DPP4: variants seen among roughly 807,000 people sequenced by gnomAD.
DPP4 encodes the protein ADCP-2.
DPP4 carries 93 observed loss-of-function variants against 122.4 expected under a neutral mutation model. The ratio of observed to expected loss-of-function variants is 0.76; its 90% confidence interval spans 0.64 to 0.90. The LOEUF (loss-of-function observed/expected upper bound fraction) is 0.90, where lower values mean the gene tolerates loss of function less well. DPP4 is among the 40% of genes least tolerant of loss of function. DPP4 has a pLI of 0.00. For synonymous variants in DPP4, 321 were observed against 302.9 expected, an observed-to-expected ratio of 1.06 and a Z score of -0.62; for missense variants, 914 against 907.3, an observed-to-expected ratio of 1.01 and a Z score of -0.09.
At position 161,992,307 on chromosome 2, in the gene DPP4, G is replaced by A. The variant is rs1700884648; in HGVS notation, c.*976C>T. ...GAGAAATTCCATAGTATGTAGAATG[G>A]GAATAATAATACATAACATTGTATT... On this transcript the variant is annotated 3_prime_UTR_variant, in exon 26 of 26. Transcript: ENST00000360534. 1 of 152,056 alleles carries A rather than the reference G, an allele frequency of 6.6e-6. No individual in the cohort carries two copies. Among genetic ancestry groups the A allele is most frequent in the Non-Finnish European group, 1.5e-5 (1 of 67,998 alleles). 9.4% of individuals were successfully genotyped at this position (152,056 alleles called of 1,614,324 possible).
At chr2:162,017,019 CA>C in intron 17 of DPP4, 88 bp downstream of exon 17, 1 of 1,484,404 alleles carries the variant, frequency 6.7e-7, no homozygotes, top group Non-Finnish European at 9.2e-7. Flanking sequence ...GACACAAAGC[CA>C]AAGAAAATCA....
At position 162,065,136 on chromosome 2, in the gene DPP4, G is replaced by A. The variant is rs112436391; in HGVS notation, c.94+8263C>T. Among the ~76,000 whole-genome samples, 644 of 152,276 alleles carry A rather than the reference G, an allele frequency of 4.2e-3. 1 individual carries two copies. Among genetic ancestry groups the A allele is most frequent in the Admixed American group, 7.8e-3 (119 of 15,292 alleles). On this transcript the variant is annotated intron_variant, in intron 2 of 25. Coordinates refer to ENST00000360534, the MANE Select transcript of DPP4 (RefSeq NM_001935.4). ...GTCTTGAGTAGTCTGGTTCAATCAC[G>A]GCAATTCATTCTCCTTGCCGGTGAT...
chr2:162,020,455 T>C, intron 13 of DPP4, 126 bp downstream of exon 13: 2 of 966,080 alleles, frequency 2.1e-6, no homozygotes, highest in Non-Finnish European at 3.1e-6. Flanking sequence ...AATACACCAC[T>C]GAGGAGTTTA....
intron 2 of DPP4, among the ~76,000 whole-genome samples, chr2:162,055,535 A>G (rs551762802): frequency 1.3e-5 from 2 of 152,154 alleles, no homozygotes; most frequent in East Asian, 3.9e-4. Context: ...CATCTCTACT[A>G]AAATACAAAA....
chr2:162,052,100 C>A (rs1684402174), intron 2 of DPP4, among the ~76,000 whole-genome samples: 1 of 151,896 alleles, frequency 6.6e-6, no homozygotes, highest in Admixed American at 6.6e-5. Flanking sequence ...GGGCAGATAA[C>A]CTGAGGTTGG....
chr2:162,055,768 G>C (rs1167788230), intron 2 of DPP4, among the ~76,000 whole-genome samples: 1 of 152,086 alleles, frequency 6.6e-6, no homozygotes, highest in Non-Finnish European at 1.5e-5. Flanking sequence ...ACTGCCAGGT[G>C]ACCAAACTTT....
chr2:162,005,280 A>G (rs1701255670), intron 23 of DPP4, among the ~76,000 whole-genome samples: 1 of 152,148 alleles, frequency 6.6e-6, no homozygotes, highest in East Asian at 1.9e-4. Context: ...AACTGTACCT[A>G]CCTCTCACCT....
At chr2:162,041,859 CT>C (rs1683998997) in intron 5 of DPP4, among the ~76,000 whole-genome samples, 1 of 152,168 alleles carries the variant, frequency 6.6e-6, no homozygotes, top group Non-Finnish European at 1.5e-5. Context: ...AGTCCCTCCC[CT>C]GGAGCAGCTT....
At chr2:162,028,794 G>A (rs1683440019) in intron 10 of DPP4, among the ~76,000 whole-genome samples, 1 of 152,232 alleles carries the variant, frequency 6.6e-6, no homozygotes, top group South Asian at 2.1e-4. Context: ...ACCACCCTAT[G>A]AGGTGAGTAC....
intron 2 of DPP4, chr2:162,073,116 G>A (rs1685174717): frequency 3.6e-6 from 1 of 279,254 alleles, no homozygotes. Flanking sequence ...ATTTAAAATT[G>A]AAATTTTAAA....
chr2:162,010,804 A>G (rs1015678938), intron 20 of DPP4, among the ~76,000 whole-genome samples: 3 of 152,094 alleles, frequency 2.0e-5, no homozygotes, highest in African/African-American at 7.2e-5. Context: ...AGGAATCCTT[A>G]ATCAATTGTC....
At position 162,050,755 on chromosome 2, in the gene DPP4, G is replaced by A. The variant is rs139690818; in HGVS notation, c.95-3254C>T. On this transcript the variant is annotated intron_variant, in intron 2 of 25. Transcript: ENST00000360534. ...AAACATCTAGATAAGCGAGTTCTGT[G>A]AGACAAGAGTGCCAACTCCAGGTTT... Among the ~76,000 whole-genome samples the A allele has an allele frequency of 1.5e-3, 222 of 152,354 alleles. 1 individual carries two copies. Among genetic ancestry groups the A allele is most frequent in the African/African-American group, 5.1e-3 (213 of 41,582 alleles).
chr2:162,016,289 A>G (rs898276298), intron 18 of DPP4, among the ~76,000 whole-genome samples: 1 of 152,164 alleles, frequency 6.6e-6, no homozygotes, highest in Non-Finnish European at 1.5e-5. Context: ...ATGATTACAC[A>G]ATCAAGCCGG....
At chr2:162,008,244 T>C (rs954886465) in intron 22 of DPP4, among the ~76,000 whole-genome samples, 1 of 152,174 alleles carries the variant, frequency 6.6e-6, no homozygotes, top group Admixed American at 6.6e-5. Context: ...ACTCTGCTAA[T>C]ATGTGAAACC....
intron 23 of DPP4, among the ~76,000 whole-genome samples, chr2:162,004,438 G>A (rs1213559130): frequency 6.6e-6 from 1 of 152,108 alleles, no homozygotes; most frequent in African/African-American, 2.4e-5. Context: ...CAGAAATGGG[G>A]ACAATCTAAT....
rs1479362306 is a variant in DPP4 at position 162,002,662 on chromosome 2, G to T, written c.2052+3083C>A. The stretch of plus-strand genomic sequence containing the variant: ...GTGAGGAAGAGAGAAAGGGAGAGAA[G>T]GAAAAAGAGGAAGAGAGAGAGAGAG... On this transcript the variant is annotated intron_variant, in intron 23 of 25. Coordinates refer to ENST00000360534, the MANE Select transcript of DPP4 (RefSeq NM_001935.4). Among the ~76,000 whole-genome samples, 4 of 150,668 alleles carry T rather than the reference G, an allele frequency of 2.7e-5. No individual in the cohort carries two copies. The East Asian group carries it at 7.8e-4, about 29-fold the overall frequency.
chr2:161,999,125 G>T (rs1226538123), intron 23 of DPP4, among the ~76,000 whole-genome samples: 1 of 152,132 alleles, frequency 6.6e-6, no homozygotes, highest in Admixed American at 6.5e-5. Flanking sequence ...GAAAAAGGCA[G>T]CTGTGTCACC....
At chr2:162,032,384 T>C (rs1405136891) in intron 10 of DPP4, 1 of 152,266 alleles carries the variant, frequency 6.6e-6, no homozygotes, top group Non-Finnish European at 1.5e-5. Context: ...TGTATGCTAG[T>C]TGTTATTTAA....
chr2:161,998,566 C>T (rs1205154318), intron 23 of DPP4, among the ~76,000 whole-genome samples: 2 of 152,188 alleles, frequency 1.3e-5, no homozygotes, highest in Non-Finnish European at 2.9e-5. Flanking sequence ...CCTCCCTGAG[C>T]CATGAAACTG....
Sources: allele counts gnomAD v4.1 joint callset (sites outside exome capture counted in the v4.1 genomes callset), GRCh38; gene constraint gnomAD v4.1.1; transcripts MANE v1.5; gene names NCBI Gene and HGNC (gene_info 2026-07-23, HGNC 2026-07-21).